The following CNTN5 variants were observed in gnomAD, a reference collection of about 807,000 sequenced individuals.
The protein encoded by CNTN5 is contactin-5.
In CNTN5, 77 loss-of-function variants were observed where a neutral mutation model predicts 129.1. The observed-to-expected ratio is 0.60, with a 90% CI of 0.50 to 0.72. The LOEUF (loss-of-function observed/expected upper bound fraction) is 0.72. CNTN5 is among the 30% of genes least tolerant of loss of function. The pLI is 0.00. For synonymous variants in CNTN5, 509 were observed against 465.6 expected, an observed-to-expected ratio of 1.09 and a Z score of -1.20; for missense variants, 1,478 against 1,328.8, an observed-to-expected ratio of 1.11 and a Z score of -1.75.
At chr11:99,446,593 G>A (rs1175381626) in intron 2 of CNTN5, among the ~76,000 whole-genome samples, 1 of 151,982 alleles carries the variant, frequency 6.6e-6, no homozygotes, top group African/African-American at 2.4e-5. Flanking sequence ...TCACTTTTAT[G>A]TTTAGTCAGC....
intron 1 of CNTN5, among the ~76,000 whole-genome samples, chr11:99,046,829 G>A (rs1251332393): frequency 6.6e-6 from 1 of 151,902 alleles, no homozygotes; most frequent in Non-Finnish European, 1.5e-5. Context: ...AATATAACTT[G>A]CCCATTGCTA....
At chr11:100,165,940 A>G (rs1565306206) in intron 13 of CNTN5, among the ~76,000 whole-genome samples, 1 of 151,774 alleles carries the variant, frequency 6.6e-6, no homozygotes, top group South Asian at 2.1e-4. Flanking sequence ...ATTTTAAGCC[A>G]TATTTATCTA....
At chr11:99,517,382 ATCACAT>A in intron 2 of CNTN5, among the ~76,000 whole-genome samples, 1 of 152,182 alleles carries the variant, frequency 6.6e-6, no homozygotes. Context: ...TGCAAAACTA[ATCACAT>A]GACTCCTTTC....
intron 2 of CNTN5, among the ~76,000 whole-genome samples, chr11:99,507,961 G>GAAGTAAAACACAT (rs1301842626): frequency 4.6e-5 from 7 of 152,176 alleles, no homozygotes; most frequent in African/African-American, 1.7e-4. Context: ...TGAAGTAAAT[G>GAAGTAAAACACAT]TTAGTTTTTA....
intron 13 of CNTN5, among the ~76,000 whole-genome samples, chr11:100,105,268 G>C (rs1945382801): frequency 6.6e-6 from 1 of 152,144 alleles, no homozygotes; most frequent in South Asian, 2.1e-4. Context: ...TTACATCTCT[G>C]TCATGAGGAA....
At chr11:99,978,061 C>G (rs997744144) in intron 8 of CNTN5, among the ~76,000 whole-genome samples, 1 of 152,132 alleles carries the variant, frequency 6.6e-6, no homozygotes, top group African/African-American at 2.4e-5. Flanking sequence ...ACTGAGAATT[C>G]CAGTCGCCTA....
intron 7 of CNTN5, among the ~76,000 whole-genome samples, chr11:99,943,189 C>T (rs1443343287): frequency 1.3e-5 from 2 of 152,094 alleles, no homozygotes; most frequent in African/African-American, 4.8e-5. Flanking sequence ...ACATCTTTGT[C>T]AGCATCTGTT....
At chr11:99,403,563 C>A (rs1163282435) in intron 2 of CNTN5, among the ~76,000 whole-genome samples, 2 of 152,040 alleles carry the variant, frequency 1.3e-5, no homozygotes, top group Non-Finnish European at 2.9e-5. Flanking sequence ...TTTCCATTAT[C>A]ATTTGTTTCA....
intron 3 of CNTN5, among the ~76,000 whole-genome samples, chr11:99,615,901 A>C (rs1016624015): frequency 2.6e-5 from 4 of 151,874 alleles, no homozygotes; most frequent in Admixed American, 1.3e-4. Flanking sequence ...AGCTGGGATT[A>C]ATTTTTGTGC....
At chr11:100,071,937 AT>A in intron 12 of CNTN5, 103 bp downstream of exon 12, 1 of 1,061,784 alleles carries the variant, frequency 9.4e-7, no homozygotes, top group Non-Finnish European at 1.3e-6. Context: ...GTAAAAATCT[AT>A]TTTATGGCTT....
chr11:99,807,826 A>G (rs537872207), intron 3 of CNTN5, among the ~76,000 whole-genome samples: 1 of 152,298 alleles, frequency 6.6e-6, no homozygotes, highest in South Asian at 2.1e-4. Flanking sequence ...GTTTTTGCAG[A>G]GTATTCTGTT....
At chr11:100,350,936 C>A in intron 24 of CNTN5, 66 bp downstream of exon 24, 2 of 1,231,246 alleles carry the variant, frequency 1.6e-6, no homozygotes, top group Non-Finnish European at 1.1e-6. Flanking sequence ...ATGAAAGTCA[C>A]GAAAATTGAT....
At chr11:100,326,739 A>C (rs1172230647) in intron 21 of CNTN5, among the ~76,000 whole-genome samples, 2 of 152,300 alleles carry the variant, frequency 1.3e-5, no homozygotes, top group South Asian at 2.1e-4. Flanking sequence ...TTATATTAAA[A>C]ATTAAAATGA....
At chr11:99,682,520 A>AT (rs373263528) in intron 3 of CNTN5, among the ~76,000 whole-genome samples, 1 of 152,116 alleles carries the variant, frequency 6.6e-6, no homozygotes, top group East Asian at 1.9e-4. Context: ...TACCAAAGTA[A>AT]TTTTTTAAAA....
intron 2 of CNTN5, among the ~76,000 whole-genome samples, chr11:99,458,563 C>G (rs1362531562): frequency 2.6e-5 from 4 of 151,942 alleles, no homozygotes; most frequent in Admixed American, 2.6e-4. Context: ...ATCATATAGA[C>G]TAATTTTAGG....
chr11:99,891,639 G>A (rs185646914), intron 6 of CNTN5, among the ~76,000 whole-genome samples: 1 of 152,214 alleles, frequency 6.6e-6, no homozygotes, highest in Admixed American at 6.6e-5. Flanking sequence ...CTTCATTCAT[G>A]TCCCTGCAAA....
At chr11:99,065,636 T>C (rs754811873) in intron 1 of CNTN5, among the ~76,000 whole-genome samples, 3 of 152,184 alleles carry the variant, frequency 2.0e-5, no homozygotes, top group Non-Finnish European at 2.9e-5. Context: ...AGGTGATTAT[T>C]AACTCAGAAG....
chr11:99,849,928 CTTTAA>C (rs1235680070), intron 6 of CNTN5, among the ~76,000 whole-genome samples: 1 of 152,012 alleles, frequency 6.6e-6, no homozygotes, highest in Non-Finnish European at 1.5e-5. Flanking sequence ...TTTTTCTAAA[CTTTAA>C]TTAAATTGGA....
intron 13 of CNTN5, among the ~76,000 whole-genome samples, chr11:100,182,173 T>G (rs149508837): frequency 6.6e-6 from 1 of 152,198 alleles, no homozygotes; most frequent in East Asian, 1.9e-4. Context: ...CAATTGATTT[T>G]TAACAGTGAT....
Sources: gnomAD v4.1 joint callset for allele counts (sites outside exome capture counted in the v4.1 genomes callset) on GRCh38, gnomAD v4.1.1 for gene constraint, MANE v1.5 for transcripts, NCBI Gene and HGNC (gene_info 2026-07-23, HGNC 2026-07-21) for gene names.